The following DUSP13B variants were observed in gnomAD, a reference collection of about 807,000 sequenced individuals.
DUSP13B encodes dual specificity phosphatase 13B.
the DUSP13B span, among the ~76,000 whole-genome samples, chr10:75,100,549 A>C: frequency 6.6e-6 from 1 of 151,826 alleles, no homozygotes; most frequent in Admixed American, 6.6e-5. Flanking sequence ...ACTACATTCC[A>C]TGTCTCCTTG....
At chr10:75,095,614 C>A in the DUSP13B span, 1 of 1,614,208 alleles carries the variant, frequency 6.2e-7, no homozygotes, top group Non-Finnish European at 8.5e-7. Context: ...TATCGAGCAA[C>A]AGGCAGAAAG....
At chr10:75,095,532 A>C in the DUSP13B span, 1 of 1,571,140 alleles carries the variant, frequency 6.4e-7, no homozygotes, top group Non-Finnish European at 8.7e-7. Context: ...AGAGTCCTAA[A>C]GCACACCCTC....
the DUSP13B span, among the ~76,000 whole-genome samples, chr10:75,106,422 G>T: frequency 1.3e-5 from 2 of 152,016 alleles, no homozygotes; most frequent in African/African-American, 4.8e-5. Flanking sequence ...CCCTGGTCTC[G>T]GTCTGACTAA....
chr10:75,096,741 GTC>G, the DUSP13B span, among the ~76,000 whole-genome samples: 1 of 152,080 alleles, frequency 6.6e-6, no homozygotes, highest in African/African-American at 2.4e-5. Flanking sequence ...GAGAGACCTT[GTC>G]TCTAAATAAA....
the DUSP13B span, chr10:75,097,761 T>TG: frequency 6.2e-7 from 1 of 1,613,728 alleles, no homozygotes; most frequent in East Asian, 2.2e-5. Flanking sequence ...TGGTTCAGTG[T>TG]GGCAGCCTGA....
At chr10:75,107,860 A>T in the DUSP13B span, 11 of 1,127,094 alleles carry the variant, frequency 9.8e-6, no homozygotes, top group South Asian at 7.9e-5. Context: ...TACAAGCATG[A>T]GCCACCACAC....
chr10:75,101,148 CTG>C, the DUSP13B span, among the ~76,000 whole-genome samples: 4 of 152,176 alleles, frequency 2.6e-5, no homozygotes, highest in African/African-American at 4.8e-5. Context: ...CTGTGGGTCT[CTG>C]TGCTCAGCCT....
At chr10:75,105,267 T>A in the DUSP13B span, among the ~76,000 whole-genome samples, 1 of 152,142 alleles carries the variant, frequency 6.6e-6, no homozygotes, top group Non-Finnish European at 1.5e-5. Context: ...TCAGTGAGAT[T>A]TAGGGGAGCC....
At chr10:75,099,718 T>C in the DUSP13B span, 1 of 328,644 alleles carries the variant, frequency 3.0e-6, no homozygotes, top group Non-Finnish European at 5.2e-6. Context: ...GATGGGAGTC[T>C]ACCTGAAGAG....
chr10:75,108,398 C>G, the DUSP13B span: 1 of 1,085,922 alleles, frequency 9.2e-7, no homozygotes, highest in Non-Finnish European at 1.3e-6. Flanking sequence ...GTGGCTGAGC[C>G]GGCGGTGTGT....
At chr10:75,097,856 C>T in the DUSP13B span, 107 of 1,610,836 alleles carry the variant, frequency 6.6e-5, 1 homozygote, top group Middle Eastern at 1.7e-4. Context: ...CTTGGGCCTC[C>T]GGAGGTCCTG....
the DUSP13B span, among the ~76,000 whole-genome samples, chr10:75,107,345 A>AG: frequency 6.6e-6 from 1 of 150,762 alleles, no homozygotes; most frequent in Admixed American, 6.6e-5. Flanking sequence ...ACTCTGTCTC[A>AG]GAAAAAAAAA....
At chr10:75,104,797 C>T in the DUSP13B span, among the ~76,000 whole-genome samples, 2 of 152,224 alleles carry the variant, frequency 1.3e-5, no homozygotes, top group East Asian at 3.9e-4. Context: ...TGCTTATCCT[C>T]CAGCCAGCAC....
the DUSP13B span, among the ~76,000 whole-genome samples, chr10:75,096,242 T>C: frequency 6.6e-6 from 1 of 151,556 alleles, no homozygotes; most frequent in African/African-American, 2.4e-5. Context: ...GCAACAGAGC[T>C]AGACTCCATC....
chr10:75,103,955 T>C, the DUSP13B span: 4 of 1,325,644 alleles, frequency 3.0e-6, no homozygotes, highest in Non-Finnish European at 4.0e-6. Flanking sequence ...CCAGATGGAG[T>C]AGCAGGCTCT....
the DUSP13B span, chr10:75,108,160 C>T: frequency 8.1e-6 from 13 of 1,612,606 alleles, no homozygotes; most frequent in South Asian, 7.7e-5. Context: ...GCGTTCAGCA[C>T]GTGGGTGATG....
the DUSP13B span, among the ~76,000 whole-genome samples, chr10:75,108,471 A>G: frequency 3.9e-5 from 6 of 152,218 alleles, no homozygotes; most frequent in East Asian, 1.2e-3. Context: ...CTTGGCCAGG[A>G]CAGGAAGGAA....
chr10:75,108,401 C>G, the DUSP13B span: 3 of 1,036,430 alleles, frequency 2.9e-6, no homozygotes, highest in Non-Finnish European at 4.0e-6. Flanking sequence ...GCTGAGCCGG[C>G]GGTGTGTGTG....
At chr10:75,108,192 C>T in the DUSP13B span, 4 of 1,605,976 alleles carry the variant, frequency 2.5e-6, no homozygotes, top group African/African-American at 2.7e-5. Flanking sequence ...CAGCTCAAAG[C>T]GGTTGTTTGC....
Sources: allele counts gnomAD v4.1 joint callset (sites outside exome capture counted in the v4.1 genomes callset), GRCh38; gene constraint gnomAD v4.1.1; transcripts MANE v1.5; gene names NCBI Gene and HGNC (gene_info 2026-07-23, HGNC 2026-07-21).